CEP350: variants seen among roughly 807,000 people sequenced by gnomAD.
The protein encoded by CEP350 is centrosomal protein 350.
Under a neutral mutation model 331.8 loss-of-function variants are expected in CEP350, and 126 were observed. The observed-to-expected ratio is 0.38, with a 90% CI of 0.33 to 0.44. CEP350 has a LOEUF of 0.44. CEP350 is among the 20% of genes least tolerant of loss of function. The pLI, the probability that CEP350 is intolerant of heterozygous loss-of-function variation, is 1.00. For synonymous variants in CEP350, 1,200 were observed against 1,259.5 expected (o/e 0.95, Z 1.00); for missense variants, 3,406 against 3,634.6 (o/e 0.94, Z 1.62).
intron 1 of CEP350, among the ~76,000 whole-genome samples, chr1:179,967,862 T>G (rs1041408480): frequency 6.6e-6 from 1 of 152,242 alleles, no homozygotes; most frequent in Admixed American, 6.5e-5. Context: ...TAAGATATTT[T>G]CTGCTTAGGA....
chr1:180,019,330 T>G (rs958841419), intron 11 of CEP350, among the ~76,000 whole-genome samples: 2 of 152,216 alleles, frequency 1.3e-5, no homozygotes, highest in Non-Finnish European at 2.9e-5. Context: ...TATATTTGTA[T>G]TTATAGTTGC....
chr1:180,042,132 T>TCTCTCACACACACACACA (rs1553258521), intron 19 of CEP350, among the ~76,000 whole-genome samples: 149 of 146,860 alleles, frequency 1.0e-3, no homozygotes, highest in African/African-American at 3.4e-3. Flanking sequence ...GAGTTTTCTC[T>TCTCTCACACACACACACA]CACACACACA....
chr1:180,034,177 A>G, intron 16 of CEP350, 95 bp downstream of exon 16: 1 of 1,346,896 alleles, frequency 7.4e-7, no homozygotes, highest in Non-Finnish European at 1.0e-6. Context: ...GTCATAGAGA[A>G]ATATTATTTC....
chr1:180,029,334 G>A (rs552355524), intron 14 of CEP350, among the ~76,000 whole-genome samples: 72 of 152,176 alleles, frequency 4.7e-4, no homozygotes, highest in African/African-American at 1.7e-3. Flanking sequence ...TGTATTTATT[G>A]TCAACAAACA....
chr1:179,976,717 C>G (rs185762844), intron 1 of CEP350, among the ~76,000 whole-genome samples: 1 of 151,476 alleles, frequency 6.6e-6, no homozygotes, highest in African/African-American at 2.4e-5. Flanking sequence ...AAATGAATTT[C>G]AAATATATTT....
chr1:180,054,090 C>G (rs903063165), intron 24 of CEP350, among the ~76,000 whole-genome samples, 156 bp downstream of exon 24: 1 of 152,128 alleles, frequency 6.6e-6, no homozygotes, highest in African/African-American at 2.4e-5. Flanking sequence ...GTATTTCTTT[C>G]AAGACCTCCT....
Position 180,096,021 on chromosome 1 carries a change from T to G in CEP350, c.8920-17T>G. ...TTAGCCATTTTGTTTTGTTTTGTTT[T>G]GTTTTTCTCTATCAAGGCGGTTTTT... On this transcript the variant is annotated splice_polypyrimidine_tract_variant and intron_variant, in intron 35 of 37. Coordinates refer to ENST00000367607, the MANE Select transcript of CEP350 (RefSeq NM_014810.5). The G allele has an allele frequency of 1.3e-6, 2 of 1,546,208 alleles. No individual in the cohort carries two copies. The highest frequency in any genetic ancestry group is 1.7e-6 in the Non-Finnish European group (2 of 1,146,140).
intron 5 of CEP350, among the ~76,000 whole-genome samples, chr1:179,994,897 C>T (rs1332781379): frequency 6.6e-6 from 1 of 152,112 alleles, no homozygotes; most frequent in East Asian, 1.9e-4. Flanking sequence ...GAAACAGTTA[C>T]TATGTTATGT....
At chr1:180,074,649 G>A (rs1659108279) in intron 27 of CEP350, among the ~76,000 whole-genome samples, 1 of 152,028 alleles carries the variant, frequency 6.6e-6, no homozygotes, top group Admixed American at 6.5e-5. Flanking sequence ...GTGTTTTCTG[G>A]TCTGAGCCTT....
intron 14 of CEP350, among the ~76,000 whole-genome samples, chr1:180,029,837 C>T (rs913154660): frequency 6.6e-6 from 1 of 152,188 alleles, no homozygotes; most frequent in African/African-American, 2.4e-5. Context: ...CTCCTCTTCT[C>T]CCAGCACCTA....
chr1:180,068,452 T>C (rs1258938350), intron 27 of CEP350, among the ~76,000 whole-genome samples: 4 of 152,132 alleles, frequency 2.6e-5, no homozygotes. Context: ...ACTGAATAGC[T>C]CTCAATGTTT....
intron 1 of CEP350, among the ~76,000 whole-genome samples, chr1:179,971,071 C>T (rs1289718403): frequency 6.7e-6 from 1 of 149,184 alleles, no homozygotes; most frequent in East Asian, 2.0e-4. Flanking sequence ...CTCTGTCGCT[C>T]AGGCTGGAGT....
intron 1 of CEP350, among the ~76,000 whole-genome samples, chr1:179,960,842 A>G (rs1389095906): frequency 3.3e-5 from 5 of 152,148 alleles, no homozygotes; most frequent in Admixed American, 1.3e-4. Flanking sequence ...TTGGTAGGCT[A>G]TAAATACTTT....
intron 15 of CEP350, among the ~76,000 whole-genome samples, chr1:180,033,292 G>A (rs980986759): frequency 6.6e-6 from 1 of 152,044 alleles, no homozygotes; most frequent in African/African-American, 2.4e-5. Context: ...TTATTAGAAA[G>A]TTCAAGAAAG....
chr1:180,085,960 G>T (rs1239348802), intron 31 of CEP350: 1 of 152,130 alleles, frequency 6.6e-6, no homozygotes, highest in African/African-American at 2.4e-5. Context: ...TTATAGATAA[G>T]GAAACTGAGT....
chr1:179,978,271 A>C (rs1185082879), intron 1 of CEP350, among the ~76,000 whole-genome samples: 1 of 152,156 alleles, frequency 6.6e-6, no homozygotes, highest in African/African-American at 2.4e-5. Flanking sequence ...ATTTAAATTG[A>C]CACAATTGTT....
chr1:180,077,899 C>T (rs1182797602), intron 28 of CEP350, among the ~76,000 whole-genome samples: 5 of 151,824 alleles, frequency 3.3e-5, no homozygotes, highest in South Asian at 2.1e-4. Flanking sequence ...TTTGGGAGGC[C>T]GAGGCGGGTG....
chr1:180,010,590 T>TTTTC (rs1210505282), intron 8 of CEP350, among the ~76,000 whole-genome samples: 3 of 151,676 alleles, frequency 2.0e-5, no homozygotes, highest in East Asian at 1.9e-4. Flanking sequence ...CCTTCCTTTC[T>TTTTC]TTTCTTTCTT....
Position 180,114,687 on chromosome 1 carries a change from A to G in CEP350, c.*3526A>G, listed in dbSNP as rs1425379282. On this transcript the variant is annotated 3_prime_UTR_variant, in exon 38 of 38. Coordinates refer to ENST00000367607, the MANE Select transcript of CEP350 (RefSeq NM_014810.5). The stretch of plus-strand genomic sequence containing the variant: ...CTGTGTGCGTGTAAATAGCCTGGTC[A>G]TCAGGCCATTTTCAGCCAATAGTCA... 1 of 152,652 alleles carries G rather than the reference A, an allele frequency of 6.6e-6. No individual in the cohort carries two copies. Among genetic ancestry groups the G allele is most frequent in the African/African-American group, 2.4e-5 (1 of 41,446 alleles). 9.5% of individuals were successfully genotyped at this position (152,652 alleles called of 1,614,324 possible).
Sources: allele counts gnomAD v4.1 joint callset (sites outside exome capture counted in the v4.1 genomes callset), GRCh38; gene constraint gnomAD v4.1.1; transcripts MANE v1.5; gene names NCBI Gene and HGNC (gene_info 2026-07-23, HGNC 2026-07-21).